The following ATP8A2 variants were observed in gnomAD, a reference collection of about 807,000 sequenced individuals.
The protein encoded by ATP8A2 is phospholipid-transporting ATPase IB.
Under a neutral mutation model 165.6 loss-of-function variants are expected in ATP8A2, and 100 were observed. The ratio of observed to expected loss-of-function variants is 0.60; its 90% CI spans 0.51 to 0.71. The LOEUF is 0.71. Among genes scored for constraint, ATP8A2 ranks in the 30% least tolerant of loss-of-function variants. ATP8A2 has a pLI of 0.00. For synonymous variants in ATP8A2, 543 were observed against 548.8 expected (o/e 0.99, Z 0.15); for missense variants, 1,227 against 1,479.5 (o/e 0.83, Z 2.80).
At chr13:25,662,332 G>A (rs1456109958) in intron 24 of ATP8A2, among the ~76,000 whole-genome samples, 1 of 152,156 alleles carries the variant, frequency 6.6e-6, no homozygotes, top group Non-Finnish European at 1.5e-5. Context: ...ATGTTTTATC[G>A]TTGCCCCTGA....
chr13:25,465,717 TTCTTTC>T (rs2035633867), intron 1 of ATP8A2, among the ~76,000 whole-genome samples: 5 of 44,968 alleles, frequency 1.1e-4, no homozygotes, highest in African/African-American at 5.1e-4. Context: ...CTTTCTTTCT[TTCTTTC>T]TTTCTTTCTT....
intron 24 of ATP8A2, among the ~76,000 whole-genome samples, chr13:25,604,821 G>GTT (rs1450739571): frequency 2.1e-4 from 32 of 152,160 alleles, no homozygotes; most frequent in African/African-American, 7.7e-4. Flanking sequence ...TTGATAGATA[G>GTT]TCCATGTTTG....
intron 2 of ATP8A2, among the ~76,000 whole-genome samples, chr13:25,482,345 C>G (rs1298844618): frequency 6.6e-6 from 1 of 152,148 alleles, no homozygotes; most frequent in African/African-American, 2.4e-5. Flanking sequence ...TGCAGTCCCT[C>G]TCTGTCAAGA....
At chr13:25,482,043 C>T (rs1426586152) in intron 2 of ATP8A2, among the ~76,000 whole-genome samples, 1 of 152,144 alleles carries the variant, frequency 6.6e-6, no homozygotes, top group Non-Finnish European at 1.5e-5. Flanking sequence ...CCTCTCCAGC[C>T]ACATTACATA....
At chr13:25,957,435 T>A (rs1338029214) in intron 33 of ATP8A2, among the ~76,000 whole-genome samples, 1 of 152,052 alleles carries the variant, frequency 6.6e-6, no homozygotes, top group East Asian at 1.9e-4. Flanking sequence ...AACAACCCCA[T>A]CAAAAAGTGG....
At chr13:25,652,952 G>A (rs932698025) in intron 24 of ATP8A2, among the ~76,000 whole-genome samples, 2 of 152,288 alleles carry the variant, frequency 1.3e-5, no homozygotes, top group African/African-American at 2.4e-5. Flanking sequence ...TCCCCAGGAT[G>A]TTCCTTCAGA....
intron 1 of ATP8A2, among the ~76,000 whole-genome samples, chr13:25,399,926 T>C (rs1180341804): frequency 1.2e-5 from 1 of 82,852 alleles, no homozygotes; most frequent in Non-Finnish European, 2.6e-5. Flanking sequence ...TTCTTCTTCC[T>C]TTTCTCCTTC....
intron 1 of ATP8A2, among the ~76,000 whole-genome samples, chr13:25,395,332 C>T (rs771387931): frequency 6.6e-6 from 1 of 151,900 alleles, no homozygotes; most frequent in East Asian, 1.9e-4. Context: ...TTAAAAATGC[C>T]TTGAGACTCT....
intron 2 of ATP8A2, among the ~76,000 whole-genome samples, chr13:25,489,766 G>C (rs537806527): frequency 6.6e-6 from 1 of 152,356 alleles, no homozygotes; most frequent in Non-Finnish European, 1.5e-5. Context: ...GTGATGTGCA[G>C]TTACTTATGC....
At chr13:25,461,807 T>G (rs1357858657) in intron 1 of ATP8A2, among the ~76,000 whole-genome samples, 2 of 151,966 alleles carry the variant, frequency 1.3e-5, no homozygotes, top group South Asian at 4.2e-4. Context: ...AGACTGGTTT[T>G]TACGTTTTTA....
At chr13:25,967,105 C>T (rs538380822) in intron 34 of ATP8A2, among the ~76,000 whole-genome samples, 1 of 152,260 alleles carries the variant, frequency 6.6e-6, no homozygotes, top group South Asian at 2.1e-4. Flanking sequence ...CTTTTGGGGC[C>T]CCACATGTTA....
chr13:25,851,746 A>G (rs1952013976), intron 30 of ATP8A2, among the ~76,000 whole-genome samples: 1 of 152,226 alleles, frequency 6.6e-6, no homozygotes, highest in Non-Finnish European at 1.5e-5. Flanking sequence ...GTTAACATTC[A>G]GTCCTGAATG....
intron 26 of ATP8A2, among the ~76,000 whole-genome samples, chr13:25,774,134 T>C (rs2044687560): frequency 9.0e-6 from 1 of 111,056 alleles, no homozygotes; most frequent in Non-Finnish European, 2.2e-5. Flanking sequence ...GCACTATTCA[T>C]AATAGCAAAG....
intron 24 of ATP8A2, among the ~76,000 whole-genome samples, chr13:25,660,328 A>G (rs946176783): frequency 1.3e-5 from 2 of 152,216 alleles, no homozygotes; most frequent in Non-Finnish European, 2.9e-5. Context: ...TTCTGTAACA[A>G]TGCACCTACA....
At chr13:25,647,479 C>G (rs1172715343) in intron 24 of ATP8A2, among the ~76,000 whole-genome samples, 1 of 151,996 alleles carries the variant, frequency 6.6e-6, no homozygotes, top group Non-Finnish European at 1.5e-5. Context: ...TATTGGGACC[C>G]CTTTGTATGT....
intron 30 of ATP8A2, among the ~76,000 whole-genome samples, chr13:25,856,363 G>A (rs1430615474): frequency 6.6e-6 from 1 of 152,318 alleles, no homozygotes; most frequent in South Asian, 2.1e-4. Flanking sequence ...ATGGAGTGTG[G>A]CATGATAGAC....
chr13:25,377,865 T>A (rs1266515920), intron 1 of ATP8A2, among the ~76,000 whole-genome samples: 9 of 152,008 alleles, frequency 5.9e-5, no homozygotes, highest in Non-Finnish European at 1.3e-4. Flanking sequence ...ACGTGTGTAA[T>A]CTCAGCACTT....
intron 24 of ATP8A2, among the ~76,000 whole-genome samples, chr13:25,628,315 G>A (rs1373722146): frequency 6.6e-6 from 1 of 152,134 alleles, no homozygotes; most frequent in Non-Finnish European, 1.5e-5. Context: ...ACATCACACA[G>A]CTTTGCTTTA....
intron 1 of ATP8A2, among the ~76,000 whole-genome samples, chr13:25,411,331 C>T (rs979111278): frequency 6.6e-6 from 1 of 152,134 alleles, no homozygotes; most frequent in African/African-American, 2.4e-5. Flanking sequence ...TGAGAGGTGG[C>T]TAGTACTGTG....
Sources: allele counts gnomAD v4.1 joint callset (sites outside exome capture counted in the v4.1 genomes callset), GRCh38; gene constraint gnomAD v4.1.1; transcripts MANE v1.5; gene names NCBI Gene and HGNC (gene_info 2026-07-23, HGNC 2026-07-21).